CYP2E1: variants seen among roughly 807,000 people sequenced by gnomAD.
CYP2E1 encodes cytochrome P450 2E1.
CYP2E1 carries 31 observed loss-of-function variants against 42.9 expected under a neutral mutation model. The ratio of observed to expected loss-of-function variants is 0.72; its 90% CI spans 0.54 to 0.98. The LOEUF (loss-of-function observed/expected upper bound fraction) is 0.98. Ranked by LOEUF, CYP2E1 falls within the 50% of genes least tolerant of loss-of-function variation. CYP2E1 has a pLI of 0.00. For synonymous variants in CYP2E1, 244 were observed against 248.9 expected (o/e 0.98, Z 0.19); for missense variants, 565 against 633.2 (o/e 0.89, Z 1.16).
At position 133,531,712 on chromosome 10, in the gene CYP2E1, G is replaced by C. The variant is rs1219047164; in HGVS notation, c.465G>C (p.Leu155=). Residue 155 remains leucine (L), a synonymous_variant, in exon 3 of 9, where the codon CTG becomes CTC. Transcript: ENST00000252945. ...SRIQREAHFL[L]EALRKTQGQP... ...TCCAGAGGGAGGCCCACTTCCTGCT[G>C]GAAGCACTCAGGAAGACCCAAGGTG... 6.2e-7 allele frequency: 1 copy of C among 1,605,024 alleles called. No homozygotes were observed. The highest frequency in any genetic ancestry group is 1.3e-5 in the African/African-American group (1 of 74,716).
chr10:133,530,297 C>T (rs752676357), intron 2 of CYP2E1, among the ~76,000 whole-genome samples: 2 of 152,144 alleles, frequency 1.3e-5, no homozygotes, highest in African/African-American at 2.4e-5. Context: ...GTTCATAAAA[C>T]GGAGAAAGTT....
chr10:133,538,786 G>A lies in CYP2E1; in HGVS notation c.1304G>A (p.Arg435Gln). 6.8e-6 allele frequency: 11 copies of A among 1,613,742 alleles called. No homozygotes were observed. Among genetic ancestry groups the A allele is most frequent in the Non-Finnish European group, 8.5e-6 (10 of 1,179,808 alleles). Residue 435 changes from arginine to glutamine, a missense_variant, in exon 9 of 9, where the codon CGA (arginine) becomes CAA (glutamine). Coordinates refer to ENST00000252945, the MANE Select transcript of CYP2E1 (RefSeq NM_000773.4). ...ATACCATTGTTACTTCTAGGAAAAC[G>A]AGTGTGTGCTGGAGAAGGCCTGGCT... is the stretch of plus-strand genomic sequence containing the variant. ...DYFKPFSTGK[R>Q]VCAGEGLARM...
In CYP2E1 at chr10:133,532,712, C is replaced by T; in HGVS notation, c.669C>T (p.Ser223=). The T allele has an allele frequency of 1.9e-6, 3 of 1,595,070 alleles. No homozygotes were observed. Among genetic ancestry groups the T allele is most frequent in the Non-Finnish European group, 2.6e-6 (3 of 1,174,890 alleles). The change falls in exon 5 of 9, where the codon AGC becomes AGT. Residue 223 remains serine, a synonymous_variant. Coordinates refer to ENST00000252945, the MANE Select transcript of CYP2E1 (RefSeq NM_000773.4). ...TCTAGCTTTACAATAATTTTCCCAG[C>T]TTTCTACACTACTTGCCTGGAAGCC... ...PWLQLYNNFP[S]FLHYLPGSHR...
intron 2 of CYP2E1, 28 bp downstream of exon 2, chr10:133,528,668 G>A (rs1215711208): frequency 1.2e-6 from 2 of 1,611,838 alleles, no homozygotes; most frequent in Admixed American, 1.7e-5. Context: ...GCACGGAGCG[G>A]GGGGTGCATA....
intron 4 of CYP2E1, 91 bp from the exon 5 acceptor site, chr10:133,532,601 C>G: frequency 8.4e-7 from 1 of 1,186,142 alleles, no homozygotes; most frequent in Middle Eastern, 2.2e-4. Context: ...ATTACAGCCA[C>G]AAATTCAGGT....
Position 133,538,820 on chromosome 10 carries a change from GT to G in CYP2E1, c.1340del (p.Leu447CysfsTer14), listed in dbSNP as rs1851439134. ...CAGEGLARME[L>X]FLLLCAILQH... The stretch of plus-strand genomic sequence containing the variant: ...CTGGAGAAGGCCTGGCTCGCATGGA[GT>G]TGTTTCTTTTGTTGTGTGCCATTTT... On this transcript the variant is annotated frameshift_variant, in exon 9 of 9. Coordinates refer to ENST00000252945, the MANE Select transcript of CYP2E1 (RefSeq NM_000773.4). LOFTEE classifies it low-confidence loss of function (END_TRUNC). 2.5e-6 allele frequency: 4 copies of G among 1,614,082 alleles called. No individual in the cohort carries two copies. The East Asian group carries it at 8.9e-5, about 36-fold the overall frequency.
chr10:133,538,992 G>A lies in CYP2E1; in HGVS notation c.*28G>A, dbSNP rs770971237. The A allele has an allele frequency of 7.8e-6, 12 of 1,531,266 alleles. No homozygotes were observed. Among genetic ancestry groups the A allele is most frequent in the East Asian group, 2.3e-5 (1 of 42,634 alleles). The allele number at this position is 1,531,266 out of a possible 1,614,324, so 94.9% of individuals were successfully genotyped here. On this transcript the variant is annotated 3_prime_UTR_variant, in exon 9 of 9. Transcript: ENST00000252945. The stretch of plus-strand genomic sequence containing the variant: ...GTGTGGAGGACACCCTGAACCCCCC[G>A]CTTTCAAACAAGTTTTCAAATTGTT...
At chr10:133,535,574 A>G (rs981648259) in intron 6 of CYP2E1, among the ~76,000 whole-genome samples, 7 of 152,128 alleles carry the variant, frequency 4.6e-5, no homozygotes, top group African/African-American at 1.4e-4. Context: ...ACTTTCGACT[A>G]CTCTGCACTA....
rs1165989801 is a variant in CYP2E1 at position 133,537,923 on chromosome 10, T to C, written c.1297+31T>C. The C allele has an allele frequency of 1.9e-6, 3 of 1,604,096 alleles. No homozygotes were observed. The African/African-American group carries it at 4.0e-5, about 21-fold the overall frequency. On this transcript the variant is annotated intron_variant, in intron 8 of 8. Transcript: ENST00000252945. ...AAAGATCAGAGGCAGTACCTTCCCT[T>C]GAGGAGCAGCCCACACTCCTCATCT...
rs1468421016 is a variant in CYP2E1, at chr10:133,528,545, A to T, written c.242A>T (p.His81Leu). Residue 81 changes from histidine (H) to leucine (L), a missense_variant, in exon 2 of 9, where the codon CAC (histidine) becomes CTC (leucine). Transcript: ENST00000252945. Reference sequence around the variant, plus strand: ...GGCTCGCAGCGCATGGTGGTGATGCACGGCTACAAGGCGGTGAAGGAAGCG... The same window carrying T: ...GGCTCGCAGCGCATGGTGGTGATGCTCGGCTACAAGGCGGTGAAGGAAGCG... ...YVGSQRMVVM[H>L]GYKAVKEALL... 1 of 1,613,376 alleles carries T rather than the reference A, an allele frequency of 6.2e-7. No individual in the cohort carries two copies. Among genetic ancestry groups the T allele is most frequent in the Non-Finnish European group, 8.5e-7 (1 of 1,179,956 alleles).
intron 2 of CYP2E1, 130 bp downstream of exon 2, chr10:133,528,770 T>C: frequency 8.1e-7 from 1 of 1,229,632 alleles, no homozygotes; most frequent in South Asian, 1.5e-5. Flanking sequence ...ATCCGAAGGA[T>C]GAGATCAGGA....
At chr10:133,533,002 C>T in intron 5 of CYP2E1, 134 bp downstream of exon 5, 1 of 848,704 alleles carries the variant, frequency 1.2e-6, no homozygotes, top group Non-Finnish European at 1.7e-6. Flanking sequence ...CATACACACA[C>T]TCTTGGCTTC....
chr10:133,527,683 T>G (rs983746855), intron 1 of CYP2E1, 111 bp downstream of exon 1: 1 of 809,586 alleles, frequency 1.2e-6, no homozygotes, highest in African/African-American at 1.7e-5. Context: ...CAGCCTGTTG[T>G]GAATTACCTG....
At position 133,536,638 on chromosome 10, in the gene CYP2E1, T is replaced by C. The variant is rs1431774216; in HGVS notation, c.968-425T>C. On this transcript the variant is annotated intron_variant, in intron 6 of 8. Transcript: ENST00000252945. ...GTGGGTGGGTGGATGGATGGGTGGA[T>C]GGGTGGTTGGGTGGATGGATGGATA... is the stretch of plus-strand genomic sequence containing the variant. Among the ~76,000 whole-genome samples, 367 of 62,566 alleles carry C rather than the reference T, an allele frequency of 5.9e-3. 14 individuals are homozygous for C. The highest frequency in any genetic ancestry group is 0.025 in the African/African-American group (337 of 13,494). The allele number at this position is 62,566 out of a possible 152,430, so 41.0% of individuals were successfully genotyped here.
chr10:133,532,150 A>G lies in CYP2E1; in HGVS notation c.514A>G (p.Ile172Val), dbSNP rs566294180. Residue 172 changes from isoleucine to valine, a missense_variant, in exon 4 of 9, where the codon ATC (isoleucine) becomes GTC (valine). Ile to Val is a conservative substitution (Grantham distance 29, BLOSUM62 3). Transcript: ENST00000252945. ...QGQPFDPTFL[I>V]GCAPCNVIAD... Reference sequence around the variant, plus strand: ...CCAGCCTTTCGACCCCACCTTCCTCATCGGCTGCGCGCCCTGCAACGTCAT... The same window carrying G: ...CCAGCCTTTCGACCCCACCTTCCTCGTCGGCTGCGCGCCCTGCAACGTCAT... 2.8e-5 allele frequency: 45 copies of G among 1,613,644 alleles called. No homozygotes were observed. The East Asian group carries it at 5.6e-4, about 20-fold the overall frequency.
Position 133,532,111 on chromosome 10 carries a change from G to A in CYP2E1, c.488-13G>A. The A allele has an allele frequency of 6.2e-7, 1 of 1,609,888 alleles. No homozygotes were observed. Among genetic ancestry groups the A allele is most frequent in the South Asian group, 1.1e-5 (1 of 90,914 alleles). On this transcript the variant is annotated splice_polypyrimidine_tract_variant and intron_variant, in intron 3 of 8. Coordinates refer to ENST00000252945, the MANE Select transcript of CYP2E1 (RefSeq NM_000773.4). The stretch of plus-strand genomic sequence containing the variant: ...CCCCCATCTTCTGGTTGCCCTGACT[G>A]CCTGTTTTGTAGGCCAGCCTTTCGA...
chr10:133,529,985 G>A (rs1424398038), intron 2 of CYP2E1, among the ~76,000 whole-genome samples: 1 of 152,188 alleles, frequency 6.6e-6, no homozygotes, highest in Non-Finnish European at 1.5e-5. Flanking sequence ...TTCTGGTTCC[G>A]GGGAGCCCTT....
At position 133,532,403 on chromosome 10, in the gene CYP2E1, G is replaced by A. The variant is rs749696114; in HGVS notation, c.648+119G>A. On this transcript the variant is annotated intron_variant, in intron 4 of 8. Transcript: ENST00000252945. The stretch of plus-strand genomic sequence containing the variant: ...CAAAAGCCAAACAACATAGCTTCGA[G>A]GGGTGTTTGATTAGACAGCCCAAAT... 4 of 1,029,860 alleles carry A rather than the reference G, an allele frequency of 3.9e-6. No individual in the cohort carries two copies. The South Asian group carries it at 4.8e-5, about 12-fold the overall frequency. The allele number at this position is 1,029,860 out of a possible 1,614,324, so 63.8% of individuals were successfully genotyped here.
chr10:133,535,938 C>T (rs1851389502), intron 6 of CYP2E1, among the ~76,000 whole-genome samples: 1 of 152,154 alleles, frequency 6.6e-6, no homozygotes, highest in Admixed American at 6.5e-5. Context: ...TTGGTTTTTT[C>T]ACTCAACATA....
Sources: gnomAD v4.1 joint callset for allele counts (sites outside exome capture counted in the v4.1 genomes callset) on GRCh38, gnomAD v4.1.1 for gene constraint, MANE v1.5 for transcripts, NCBI Gene and HGNC (gene_info 2026-07-23, HGNC 2026-07-21) for gene names.